The following RFC3 variants were observed in gnomAD, a reference collection of about 807,000 sequenced individuals.
RFC3 encodes A1 38 kDa subunit.
RFC3 carries 41 observed loss-of-function variants against 45.1 expected under a neutral mutation model. The observed-to-expected ratio is 0.91, with a 90% CI of 0.71 to 1.18. The LOEUF (loss-of-function observed/expected upper bound fraction) is 1.18, where lower values mean the gene tolerates loss of function less well. RFC3 is among the 50% of genes most tolerant of loss of function. The pLI is 0.00. For synonymous variants in RFC3, 149 were observed against 144.0 expected (o/e 1.03, Z -0.25); for missense variants, 423 against 428.1 (o/e 0.99, Z 0.10).
intron 8 of RFC3, among the ~76,000 whole-genome samples, chr13:33,951,295 C>T (rs1282613558): frequency 5.4e-5 from 8 of 149,446 alleles, no homozygotes; most frequent in African/African-American, 1.5e-4. Context: ...TGCAGTGGCG[C>T]GATCTCGGGT....
At chr13:33,972,760 T>C in the RFC3 span, among the ~76,000 whole-genome samples, 1 of 152,200 alleles carries the variant, frequency 6.6e-6, no homozygotes, top group African/African-American at 2.4e-5. Context: ...GAAGGGACAA[T>C]ACGTTATATA....
intron 4 of RFC3, among the ~76,000 whole-genome samples, chr13:33,826,478 GTTC>G (rs1217446571): frequency 3.9e-5 from 6 of 151,964 alleles, no homozygotes; most frequent in Non-Finnish European, 7.4e-5. Context: ...ATAGTGTTTT[GTTC>G]TTCTTTAGTG....
intron 1 of RFC3, 89 bp downstream of exon 1, chr13:33,818,354 C>A: frequency 3.9e-6 from 4 of 1,027,550 alleles, no homozygotes; most frequent in Middle Eastern, 2.4e-4. Flanking sequence ...CTTCTCCCGC[C>A]CGCATTGGAA....
intron 4 of RFC3, among the ~76,000 whole-genome samples, chr13:33,827,200 G>A (rs534145076): frequency 2.0e-5 from 3 of 152,248 alleles, no homozygotes; most frequent in East Asian, 1.9e-4. Flanking sequence ...GAAGCAGGAG[G>A]ATTGCTTGAG....
intron 7 of RFC3, among the ~76,000 whole-genome samples, 166 bp downstream of exon 7, chr13:33,831,520 A>G (rs2082104133): frequency 9.8e-6 from 1 of 102,452 alleles, no homozygotes; most frequent in Admixed American, 1.2e-4. Context: ...TTAGTGGTTC[A>G]GAATAGTTGG....
chr13:33,818,968 G>A (rs1290762686), intron 1 of RFC3, among the ~76,000 whole-genome samples: 1 of 139,082 alleles, frequency 7.2e-6, no homozygotes, highest in African/African-American at 2.7e-5. Flanking sequence ...TCGGCTCACT[G>A]CAACCTCCGC....
intron 7 of RFC3, among the ~76,000 whole-genome samples, chr13:33,834,278 A>G (rs1350381978): frequency 1.6e-5 from 2 of 126,068 alleles, no homozygotes; most frequent in Admixed American, 8.8e-5. Context: ...TATCTGAAGT[A>G]TGGAACATCT....
chr13:33,850,215 T>A (rs911411695), intron 8 of RFC3: 1 of 152,136 alleles, frequency 6.6e-6, no homozygotes, highest in Admixed American at 6.5e-5. Flanking sequence ...TTTACACAGT[T>A]TTTTCTTTGT....
chr13:33,854,536 T>G (rs1423375733), intron 8 of RFC3, among the ~76,000 whole-genome samples: 1 of 152,160 alleles, frequency 6.6e-6, no homozygotes, highest in Non-Finnish European at 1.5e-5. Context: ...TCAGCTAAGA[T>G]GAATTATGAA....
intron 8 of RFC3, among the ~76,000 whole-genome samples, chr13:33,863,008 A>C (rs76767864): frequency 0.03 from 4,537 of 152,268 alleles, 134 homozygotes; most frequent in African/African-American, 0.069. Flanking sequence ...AAAGTTGTGA[A>C]AATAATTTTC....
intron 4 of RFC3, among the ~76,000 whole-genome samples, chr13:33,826,367 T>TTATA (rs1245804844): frequency 1.3e-5 from 2 of 152,158 alleles, no homozygotes; most frequent in Non-Finnish European, 2.9e-5. Flanking sequence ...GGGTATAGAT[T>TTATA]TATACTACCA....
At chr13:33,970,621 A>G (rs180728225), downstream of RFC3, among the ~76,000 whole-genome samples, 155 of 152,360 alleles carry the variant, frequency 1.0e-3, 1 homozygote, top group Non-Finnish European at 3.1e-4. Flanking sequence ...TAATTCCAGG[A>G]AACACCAGTA....
intron 8 of RFC3, among the ~76,000 whole-genome samples, chr13:33,923,498 G>T (rs1383635474): frequency 1.3e-5 from 2 of 152,114 alleles, no homozygotes; most frequent in African/African-American, 4.8e-5. Flanking sequence ...AGAACAAGTG[G>T]GATGGCCTGG....
intron 8 of RFC3, among the ~76,000 whole-genome samples, chr13:33,918,217 C>A (rs114729069): frequency 0.012 from 1,767 of 152,260 alleles, 36 homozygotes; most frequent in African/African-American, 0.039. Flanking sequence ...AAATTTCAGA[C>A]AGACATGCTG....
At chr13:33,885,160 A>G (rs1344042536) in intron 8 of RFC3, among the ~76,000 whole-genome samples, 1 of 151,976 alleles carries the variant, frequency 6.6e-6, no homozygotes, top group Non-Finnish European at 1.5e-5. Context: ...GCAGAATTTA[A>G]CTCTATGTTA....
chr13:33,911,463 C>T (rs1437664255), intron 8 of RFC3, among the ~76,000 whole-genome samples: 1 of 151,960 alleles, frequency 6.6e-6, no homozygotes, highest in Non-Finnish European at 1.5e-5. Flanking sequence ...CCGTCTTAAT[C>T]CATTTTGTGT....
chr13:33,861,609 C>T (rs544421940), intron 8 of RFC3, among the ~76,000 whole-genome samples: 10 of 150,374 alleles, frequency 6.7e-5, no homozygotes, highest in African/African-American at 1.7e-4. Context: ...CATGCCACTT[C>T]GTTCCAGCCT....
At chr13:33,841,189 C>T (rs2082195834), downstream of RFC3, among the ~76,000 whole-genome samples, 1 of 152,196 alleles carries the variant, frequency 6.6e-6, no homozygotes, top group Non-Finnish European at 1.5e-5. Flanking sequence ...TGAGATGGAA[C>T]AGTTTCATCC....
At chr13:33,856,275 A>T (rs1284723593) in intron 8 of RFC3, among the ~76,000 whole-genome samples, 2 of 152,146 alleles carry the variant, frequency 1.3e-5, no homozygotes, top group African/African-American at 2.4e-5. Flanking sequence ...TATAAGTGGG[A>T]GTTAAATGAA....
Sources: allele counts gnomAD v4.1 joint callset (sites outside exome capture counted in the v4.1 genomes callset), GRCh38; gene constraint gnomAD v4.1.1; transcripts MANE v1.5; gene names NCBI Gene and HGNC (gene_info 2026-07-23, HGNC 2026-07-21).